Variants in DPP10 observed in about 807,000 individuals in gnomAD.
DPP10 encodes inactive dipeptidyl peptidase 10.
DPP10 carries 33 observed loss-of-function variants against 120.9 expected under a neutral mutation model. That is an observed-to-expected ratio of 0.27 (90% CI 0.21 to 0.37). The LOEUF (loss-of-function observed/expected upper bound fraction) is 0.37, where lower values mean the gene tolerates loss of function less well. DPP10 is among the 10% of genes least tolerant of loss of function. The pLI is 1.00. For synonymous variants in DPP10, 337 were observed against 326.1 expected (o/e 1.03, Z -0.36); for missense variants, 816 against 942.8 (o/e 0.87, Z 1.76).
chr2:115,799,065 G>A (rs970019858), intron 19 of DPP10, among the ~76,000 whole-genome samples: 10 of 151,986 alleles, frequency 6.6e-5, no homozygotes, highest in Non-Finnish European at 1.0e-4. Flanking sequence ...AAGTGCTTCC[G>A]TTGATTTTTA....
rs1427274034 is a variant in DPP10 at position 115,753,274 on chromosome 2, A to C, written c.1051A>C (p.Thr351Pro). ...QNISILTVCETTTGACSKKYE... is the reference protein window; with the variant it reads ...QNISILTVCEPTTGACSKKYE... The stretch of plus-strand genomic sequence containing the variant: ...CATCTCCATCCTCACAGTCTGTGAG[A>C]CCACTACAGGTGCTTGTAGTAAAGT... Residue 351 changes from threonine to proline, a missense_variant, in exon 11 of 26, where the codon ACC becomes CCC. Transcript: ENST00000410059. 3 of 1,609,168 alleles carry C rather than the reference A, an allele frequency of 1.9e-6. No individual in the cohort carries two copies. Among genetic ancestry groups the C allele is most frequent in the Non-Finnish European group, 2.5e-6 (3 of 1,176,956 alleles).
chr2:114,947,592 T>C (rs1283652986), intron 1 of DPP10, among the ~76,000 whole-genome samples: 1 of 152,038 alleles, frequency 6.6e-6, no homozygotes, highest in South Asian at 2.1e-4. Flanking sequence ...GTCATTGTTT[T>C]GGTTAACATT....
intron 5 of DPP10, among the ~76,000 whole-genome samples, chr2:115,541,392 G>A (rs989226344): frequency 3.3e-5 from 5 of 151,716 alleles, no homozygotes; most frequent in Admixed American, 2.0e-4. Context: ...ATTTTGTAGA[G>A]GTTATTGAGG....
chr2:114,646,810 C>CTT (rs1338498111), intron 1 of DPP10, among the ~76,000 whole-genome samples: 1 of 152,188 alleles, frequency 6.6e-6, no homozygotes, highest in African/African-American at 2.4e-5. Flanking sequence ...ATTTCTTGGC[C>CTT]TTTCTCTTTA....
chr2:115,604,487 A>AACAGCAGTC (rs2083568490), intron 5 of DPP10, among the ~76,000 whole-genome samples: 1 of 152,168 alleles, frequency 6.6e-6, no homozygotes, highest in Non-Finnish European at 1.5e-5. Context: ...AATAGAACAT[A>AACAGCAGTC]ACAGCAGTCT....
chr2:115,220,901 TATC>T (rs1488356248), intron 1 of DPP10, among the ~76,000 whole-genome samples: 1 of 149,544 alleles, frequency 6.7e-6, no homozygotes, highest in Non-Finnish European at 1.5e-5. Flanking sequence ...TATATTCATA[TATC>T]ATATTTATTT....
chr2:114,922,237 A>G (rs1695249319), intron 1 of DPP10, among the ~76,000 whole-genome samples: 1 of 152,186 alleles, frequency 6.6e-6, no homozygotes, highest in Non-Finnish European at 1.5e-5. Flanking sequence ...AAGAAACCTT[A>G]TAGCAGCAGT....
At chr2:115,437,214 G>C (rs1014855185) in intron 3 of DPP10, among the ~76,000 whole-genome samples, 3 of 151,988 alleles carry the variant, frequency 2.0e-5, no homozygotes, top group African/African-American at 7.2e-5. Flanking sequence ...CCTAATACCA[G>C]CAAGGAGATT....
intron 7 of DPP10, among the ~76,000 whole-genome samples, chr2:115,706,478 A>G (rs1421537202): frequency 3.9e-5 from 6 of 151,964 alleles, no homozygotes; most frequent in Non-Finnish European, 7.4e-5. Context: ...TGGGTCATGC[A>G]TAATCTAATA....
At chr2:115,199,851 A>T (rs192981833) in intron 1 of DPP10, among the ~76,000 whole-genome samples, 24 of 152,292 alleles carry the variant, frequency 1.6e-4, no homozygotes, top group African/African-American at 5.8e-4. Flanking sequence ...GTTGGAGCAC[A>T]TATCAAATAA....
In DPP10 at chr2:114,473,589, C is replaced by T. The variant is rs150354014; in HGVS notation, c.60+30751C>T. 6.5e-4 allele frequency among the ~76,000 whole-genome samples: 99 copies of T among 152,172 alleles called. 2 individuals carry two copies. Among genetic ancestry groups the T allele is most frequent in the African/African-American group, 2.3e-3 (94 of 41,518 alleles). On this transcript the variant is annotated intron_variant, in intron 1 of 25. Coordinates refer to ENST00000410059, the MANE Select transcript of DPP10 (RefSeq NM_020868.6). The stretch of plus-strand genomic sequence containing the variant: ...TTAAAGTGAGTTCATCACAGGCAAT[C>T]GAAGATGTAGTTTAAAGATGTAGAA...
At chr2:114,809,159 T>C (rs1684982738) in intron 1 of DPP10, among the ~76,000 whole-genome samples, 1 of 152,166 alleles carries the variant, frequency 6.6e-6, no homozygotes, top group African/African-American at 2.4e-5. Context: ...ATATTAATAA[T>C]TGAAATAATT....
At chr2:115,034,530 A>G (rs1226689075) in intron 1 of DPP10, among the ~76,000 whole-genome samples, 1 of 152,178 alleles carries the variant, frequency 6.6e-6, no homozygotes, top group African/African-American at 2.4e-5. Context: ...CTGCCCTCAG[A>G]AATGTCCCTT....
intron 3 of DPP10, among the ~76,000 whole-genome samples, chr2:115,358,152 C>T (rs1328255521): frequency 1.3e-5 from 2 of 152,128 alleles, no homozygotes; most frequent in Non-Finnish European, 2.9e-5. Context: ...TTGAATTTCT[C>T]CCCAGAAAAT....
At chr2:115,133,276 G>A (rs1225593712) in intron 1 of DPP10, among the ~76,000 whole-genome samples, 2 of 147,358 alleles carry the variant, frequency 1.4e-5, no homozygotes, top group African/African-American at 5.0e-5. Flanking sequence ...CAGCCTGGGT[G>A]ACAAGAGCAA....
intron 5 of DPP10, among the ~76,000 whole-genome samples, chr2:115,635,012 G>T (rs1398769938): frequency 2.6e-5 from 4 of 152,080 alleles, no homozygotes; most frequent in African/African-American, 9.7e-5. Flanking sequence ...CACAGCCACG[G>T]TGCTGCACTA....
intron 1 of DPP10, among the ~76,000 whole-genome samples, chr2:115,109,496 A>G (rs1443448273): frequency 1.3e-5 from 2 of 151,946 alleles, no homozygotes; most frequent in Admixed American, 1.3e-4. Context: ...AGATTGCTCT[A>G]CTGCACTCCA....
intron 1 of DPP10, among the ~76,000 whole-genome samples, chr2:114,958,035 A>G (rs554920274): frequency 3.3e-5 from 5 of 152,332 alleles, no homozygotes; most frequent in African/African-American, 1.2e-4. Flanking sequence ...TTAATTGAGC[A>G]ATGAACAGTT....
At chr2:114,974,521 G>A (rs1446065788) in intron 1 of DPP10, among the ~76,000 whole-genome samples, 2 of 150,936 alleles carry the variant, frequency 1.3e-5, no homozygotes, top group East Asian at 2.0e-4. Context: ...GGGTTCAAGC[G>A]ATTTTCCTGC....
Sources: allele counts gnomAD v4.1 joint callset (sites outside exome capture counted in the v4.1 genomes callset), GRCh38; gene constraint gnomAD v4.1.1; transcripts MANE v1.5; gene names NCBI Gene and HGNC (gene_info 2026-07-23, HGNC 2026-07-21).